Variants in PSMD13 observed in about 807,000 individuals in gnomAD.
PSMD13 encodes 26S proteasome non-ATPase regulatory subunit 13.
In PSMD13, 8 loss-of-function variants were observed where a neutral mutation model predicts 57.4. The ratio of observed to expected loss-of-function variants is 0.14; its 90% confidence interval spans 0.08 to 0.25. The LOEUF is 0.25. Among genes scored for constraint, PSMD13 ranks in the 10% least tolerant of loss-of-function variants. The pLI is 1.00. For synonymous variants in PSMD13, 193 were observed against 168.2 expected (o/e 1.15, Z -1.14); for missense variants, 400 against 461.5 (o/e 0.87, Z 1.22).
intron 10 of PSMD13, 66 bp downstream of exon 10, chr11:250,931 C>CTCT: frequency 7.2e-7 from 1 of 1,388,632 alleles, no homozygotes. Context: ...GGGCGCTGCA[C>CTCT]TCTCCAAGCC....
intron 7 of PSMD13, chr11:247,793 A>G: frequency 5.7e-6 from 1 of 176,312 alleles, no homozygotes; most frequent in South Asian, 1.3e-4. Context: ...AGATTGTACC[A>G]CTGCACCCCA....
chr11:240,674 A>C (rs1859494209), intron 2 of PSMD13, among the ~76,000 whole-genome samples: 1 of 152,216 alleles, frequency 6.6e-6, no homozygotes, highest in Admixed American at 6.5e-5. Context: ...TTGAATTTAT[A>C]GTCACCAGAA....
chr11:237,263 C>A, intron 1 of PSMD13, 119 bp downstream of exon 1: 1 of 930,428 alleles, frequency 1.1e-6, no homozygotes, highest in South Asian at 1.7e-5. Context: ...TGGGGGGAAA[C>A]GGGGACGTGT....
At position 237,162 on chromosome 11, in the gene PSMD13, G is replaced by C. The variant is rs777362790; in HGVS notation, c.95+18G>C. 3.1e-6 allele frequency: 5 copies of C among 1,597,392 alleles called. No individual in the cohort carries two copies. The East Asian group carries it at 9.0e-5, about 29-fold the overall frequency. On this transcript the variant is annotated intron_variant, in intron 1 of 12. Transcript: ENST00000532097. ...ACGAAGAAGTGAGCGCCGAGCAGACGGGCCCTGGGCCCCGGCGATAGAGGG... is the reference window on the plus strand; with the variant it reads ...ACGAAGAAGTGAGCGCCGAGCAGACCGGCCCTGGGCCCCGGCGATAGAGGG...
At position 247,280 on chromosome 11, in the gene PSMD13, A is replaced by G. The variant is rs372670379; in HGVS notation, c.400A>G (p.Thr134Ala). 2 of 1,609,828 alleles carry G rather than the reference A, an allele frequency of 1.2e-6. No homozygotes were observed. Among genetic ancestry groups the G allele is most frequent in the Non-Finnish European group, 1.7e-6 (2 of 1,178,570 alleles). Residue 134 changes from threonine to alanine, a missense_variant, in exon 7 of 13, where the codon ACA becomes GCA. Physicochemically the swap from Thr to Ala is moderately conservative, Grantham distance 58. Transcript: ENST00000532097. ...TGATTTTCCTTCCTGTGTATAGGAA[A>G]CAATTGAAGATGTTGAAGAAATGCT... ...NIGDLQVTKETIEDVEEMLNN... is the reference protein window; with the variant it reads ...NIGDLQVTKEAIEDVEEMLNN...
rs772100804 is a variant in PSMD13 at position 251,519 on chromosome 11, T to C, written c.838-27T>C. The C allele has an allele frequency of 2.6e-6, 4 of 1,560,824 alleles. No individual in the cohort carries two copies. Among genetic ancestry groups the C allele is most frequent in the Admixed American group, 1.7e-5 (1 of 59,008 alleles). On this transcript the variant is annotated intron_variant, in intron 10 of 12. Coordinates refer to ENST00000532097, the MANE Select transcript of PSMD13 (RefSeq NM_002817.4). The surrounding 1 kb of genome is among the most constrained non-coding windows in gnomAD (Gnocchi z 4.6). ...TCTATTTTTATTTGGAAAAATAGTT[T>C]AAAATAGTTAATAAAATTTTTTCCA...
Position 244,452 on chromosome 11 carries a change from GA to G in PSMD13, c.296del (p.Lys99ArgfsTer6). ...TCCTAATGTGGCTCTTACTTTTCTG[GA>G]AAAGACTCGTGAGAAGGTAAATGTG... The part of the protein sequence containing the change: ...TDPNVALTFL[E>X]KTREKVKSSD... On this transcript the variant is annotated frameshift_variant, in exon 5 of 13. Transcript: ENST00000532097. LOFTEE classifies it high-confidence loss of function. 1 of 1,609,656 alleles carries G rather than the reference GA, an allele frequency of 6.2e-7. No individual in the cohort carries two copies. Among genetic ancestry groups the G allele is most frequent in the Non-Finnish European group, 8.5e-7 (1 of 1,176,878 alleles).
chr11:247,207 AC>A, intron 6 of PSMD13, 69 bp from the exon 7 acceptor site: 1 of 1,471,182 alleles, frequency 6.8e-7, no homozygotes, highest in Non-Finnish European at 9.1e-7. Flanking sequence ...ACAGAGTGAG[AC>A]CCTGTCTCTA....
Position 239,945 on chromosome 11 carries a change from T to C in PSMD13, c.174+869T>C, listed in dbSNP as rs529185656. Reference sequence around the variant, plus strand: ...CTCGCAATAGAGCTTACCACCTTGCTACCCCACCACCTGGGCTTGTAAGAT... The same window carrying C: ...CTCGCAATAGAGCTTACCACCTTGCCACCCCACCACCTGGGCTTGTAAGAT... On this transcript the variant is annotated intron_variant, in intron 2 of 12. Transcript: ENST00000532097. Among the ~76,000 whole-genome samples, 7 of 152,258 alleles carry C rather than the reference T, an allele frequency of 4.6e-5. No individual in the cohort carries two copies. In the East Asian group the frequency reaches 1.4e-3, roughly 29 times the overall value.
At position 251,668 on chromosome 11, in the gene PSMD13, C is replaced by G. The variant is rs754284764; in HGVS notation, c.918+42C>G. ...CAGGGTGTTAGAGCAGCAAAGCTGC[C>G]ACATGGAGGAGTCAAGGCTCTTGTG... On this transcript the variant is annotated intron_variant, in intron 11 of 12. Coordinates refer to ENST00000532097, the MANE Select transcript of PSMD13 (RefSeq NM_002817.4). The surrounding 1 kb of genome is among the most constrained non-coding windows in gnomAD (Gnocchi z 4.6). The G allele has an allele frequency of 7.0e-6, 11 of 1,577,954 alleles. No individual in the cohort carries two copies. In the South Asian group the frequency reaches 1.2e-4, roughly 18 times the overall value.
In PSMD13 at chr11:239,113, T is replaced by C. The variant is rs186526639; in HGVS notation, c.174+37T>C. 6.5e-6 allele frequency: 10 copies of C among 1,539,458 alleles called. No individual in the cohort carries two copies. The East Asian group carries it at 2.2e-4, about 35-fold the overall frequency. On this transcript the variant is annotated intron_variant, in intron 2 of 12. Coordinates refer to ENST00000532097, the MANE Select transcript of PSMD13 (RefSeq NM_002817.4). ...GCTATACCAGATTAGATTATATGAA[T>C]GTGCTCAAGGACTTTTGAAAATAAG...
chr11:246,562 T>C (rs1421690116), intron 6 of PSMD13, among the ~76,000 whole-genome samples: 1 of 152,170 alleles, frequency 6.6e-6, no homozygotes, highest in African/African-American at 2.4e-5. Flanking sequence ...CCATAAGTAT[T>C]TCTGTGCCTG....
intron 10 of PSMD13, 116 bp downstream of exon 10, chr11:250,981 C>A: frequency 1.1e-6 from 1 of 877,602 alleles, no homozygotes; most frequent in Non-Finnish European, 1.9e-6. Context: ...GCTGCTTCTG[C>A]TGTGCGCCGC....
chr11:247,484 C>A, intron 7 of PSMD13, 36 bp downstream of exon 7: 1 of 1,593,644 alleles, frequency 6.3e-7, no homozygotes, highest in Non-Finnish European at 8.6e-7. Flanking sequence ...CACACAGGAG[C>A]ATATTCTCCA....
chr11:246,056 C>T (rs559572453), intron 6 of PSMD13, among the ~76,000 whole-genome samples: 1 of 152,220 alleles, frequency 6.6e-6, no homozygotes, highest in South Asian at 2.1e-4. Flanking sequence ...ATTTCCTTGT[C>T]CTTCATTAAA....
chr11:243,565 C>T (rs150905684), intron 2 of PSMD13: 3 of 358,206 alleles, frequency 8.4e-6, no homozygotes, highest in African/African-American at 6.5e-5. Context: ...CAGTGGTCTT[C>T]TTATTATTTA....
At chr11:244,405 T>C in intron 4 of PSMD13, 21 bp from the exon 5 acceptor site, 1 of 1,606,930 alleles carries the variant, frequency 6.2e-7, no homozygotes, top group Admixed American at 1.7e-5. Flanking sequence ...ATGGTCCTTC[T>C]GATTGTTCCT....
Position 248,720 on chromosome 11 carries a change from T to C in PSMD13, c.569-56T>C. ...TTTTGTTATATGAGATTTTTAAAGCTAAACAGGACTGATTATTATGACTGG... is the reference window on the plus strand; with the variant it reads ...TTTTGTTATATGAGATTTTTAAAGCCAAACAGGACTGATTATTATGACTGG... On this transcript the variant is annotated intron_variant, in intron 7 of 12. Coordinates refer to ENST00000532097, the MANE Select transcript of PSMD13 (RefSeq NM_002817.4). The C allele has an allele frequency of 7.2e-6, 11 of 1,523,872 alleles. No individual in the cohort carries two copies. The South Asian group carries it at 1.1e-4, about 16-fold the overall frequency. 94.4% of individuals were successfully genotyped at this position (1,523,872 alleles called of 1,614,324 possible). A position where few individuals can be genotyped will look rare whatever the true frequency, so the allele number is the denominator to read the frequency against.
intron 1 of PSMD13, 114 bp downstream of exon 1, chr11:237,258 G>T: frequency 1.0e-6 from 1 of 964,382 alleles, no homozygotes. Flanking sequence ...CAAGTTGGGG[G>T]GAAACGGGGA....
Sources: gnomAD v4.1 joint callset for allele counts (sites outside exome capture counted in the v4.1 genomes callset) on GRCh38, gnomAD v4.1.1 for gene constraint, Gnocchi (gnomAD v3.1) non-coding constraint, MANE v1.5 for transcripts, NCBI Gene and HGNC (gene_info 2026-07-23, HGNC 2026-07-21) for gene names.